ASS1: variants seen among roughly 807,000 people sequenced by gnomAD.
The protein encoded by ASS1 is argininosuccinate synthase 1, also known as argininosuccinate synthase.
In ASS1, 58 loss-of-function variants were observed where a neutral mutation model predicts 60.5. The observed-to-expected ratio is 0.96, with a 90% confidence interval of 0.78 to 1.19. The LOEUF is 1.19. Among genes scored for constraint, ASS1 ranks in the 50% most tolerant of loss-of-function variants. The pLI is 0.00. For missense variants in ASS1, 454 were observed against 547.3 expected (o/e 0.83, Z 1.70); for synonymous variants, 200 against 206.9 (o/e 0.97, Z 0.29).
chr9:130,457,191 T>C (rs968952033), intron 3 of ASS1, among the ~76,000 whole-genome samples: 1 of 152,244 alleles, frequency 6.6e-6, no homozygotes, highest in Non-Finnish European at 1.5e-5. Flanking sequence ...CACTTGTTTT[T>C]TCGTTTGTTT....
At chr9:130,449,168 A>C (rs1350945745) in intron 1 of ASS1, among the ~76,000 whole-genome samples, 2 of 151,956 alleles carry the variant, frequency 1.3e-5, no homozygotes, top group Admixed American at 1.3e-4. Context: ...CCATCTCTAC[A>C]AAAAATACAA....
chr9:130,479,132 C>G (rs911059654), intron 9 of ASS1, among the ~76,000 whole-genome samples: 1 of 152,150 alleles, frequency 6.6e-6, no homozygotes, highest in Non-Finnish European at 1.5e-5. Context: ...CTCCTGCCAC[C>G]CCGGACCCAG....
rs555240738 is a variant in ASS1 at position 130,480,551 on chromosome 9, T to A, written c.838+102T>A. ...TGGACGCTACTACCCCCATGCTCCG[T>A]GGGCGACCTTGGGCACGTCCTTTCA... On this transcript the variant is annotated intron_variant, in intron 11 of 14. Coordinates refer to ENST00000352480, the MANE Select transcript of ASS1 (RefSeq NM_054012.4). The A allele has an allele frequency of 2.3e-4, 281 of 1,243,130 alleles. 2 individuals are homozygous for A. Among genetic ancestry groups the A allele is most frequent in the South Asian group, 2.2e-3 (175 of 79,038 alleles). The allele number at this position is 1,243,130 out of a possible 1,614,324, so 77.0% of individuals were successfully genotyped here.
chr9:130,458,643 G>C (rs1845509322), intron 4 of ASS1, 54 bp downstream of exon 4: 19 of 1,583,584 alleles, frequency 1.2e-5, no homozygotes, highest in Non-Finnish European at 1.5e-5. Context: ...AGGGGTGTGG[G>C]AAGGAGATGA....
At chr9:130,451,561 G>C (rs927255060) in intron 1 of ASS1, 2 of 346,886 alleles carry the variant, frequency 5.8e-6, no homozygotes, top group South Asian at 4.4e-5. Context: ...AGAGGGACTG[G>C]GGCTGGGCCC....
chr9:130,465,056 A>ATATATATATATATTTTTTTTTTTTT (rs1479147331), intron 5 of ASS1, among the ~76,000 whole-genome samples: 1 of 120,146 alleles, frequency 8.3e-6, no homozygotes, highest in African/African-American at 3.6e-5. Context: ...ATATATATAT[A>ATATATATATATATTTTTTTTTTTTT]TTTTTTTTTT....
At chr9:130,495,088 T>A in intron 13 of ASS1, 65 bp downstream of exon 13, 1 of 1,533,636 alleles carries the variant, frequency 6.5e-7, no homozygotes. Context: ...GACTGGATCC[T>A]CAAGACATCT....
chr9:130,456,484 CCAAA>C (rs912463903), intron 3 of ASS1, among the ~76,000 whole-genome samples: 3 of 152,124 alleles, frequency 2.0e-5, no homozygotes, highest in African/African-American at 7.2e-5. Context: ...AACCAACCAA[CCAAA>C]CAAACACAAA....
rs1846440941 is a variant in ASS1 at position 130,491,212 on chromosome 9, C to T, written c.970+1748C>T. ...CAGGGACAGACAGGTGCTTAAATAC[C>T]ATTGTCTCCTGCAGGCTTTCCAGCC... is the stretch of plus-strand genomic sequence containing the variant. On this transcript the variant is annotated intron_variant, in intron 12 of 14. Transcript: ENST00000352480. This position sits in a 1 kb window ranked among gnomAD's most constrained non-coding sequence, Gnocchi z 5.3. Among the ~76,000 whole-genome samples, 1 of 152,162 alleles carries T rather than the reference C, an allele frequency of 6.6e-6. No individual in the cohort carries two copies. Among genetic ancestry groups the T allele is most frequent in the Non-Finnish European group, 1.5e-5 (1 of 68,028 alleles).
intron 6 of ASS1, among the ~76,000 whole-genome samples, chr9:130,467,720 C>T (rs1480816321): frequency 1.3e-5 from 2 of 152,112 alleles, no homozygotes; most frequent in Admixed American, 6.5e-5. Flanking sequence ...TTAAGGGAGC[C>T]GGGTTGGTGA....
chr9:130,457,711 A>G (rs1353038504), intron 3 of ASS1, among the ~76,000 whole-genome samples: 1 of 152,056 alleles, frequency 6.6e-6, no homozygotes, highest in Non-Finnish European at 1.5e-5. Context: ...ATATCTCCAG[A>G]TACTTCCAAA....
intron 4 of ASS1, among the ~76,000 whole-genome samples, chr9:130,460,066 A>G (rs1845552585): frequency 6.6e-6 from 1 of 152,092 alleles, no homozygotes; most frequent in Non-Finnish European, 1.5e-5. Context: ...CTGTTTACCA[A>G]CCCCACAGTC....
chr9:130,466,342 C>T (rs1845743198), intron 5 of ASS1: 5 of 302,282 alleles, frequency 1.7e-5, no homozygotes, highest in South Asian at 1.4e-4. Context: ...AGGCCAGCAG[C>T]GGCAGCTCTG....
Position 130,476,729 on chromosome 9 carries a change from T to C in ASS1, c.598-142T>C. 2 of 818,164 alleles carry C rather than the reference T, an allele frequency of 2.4e-6. No homozygotes were observed. The highest frequency in any genetic ancestry group is 4.3e-6 in the Non-Finnish European group (2 of 466,618). The allele number at this position is 818,164 out of a possible 1,614,324, so 50.7% of individuals were successfully genotyped here. On this transcript the variant is annotated intron_variant, in intron 8 of 14. Coordinates refer to ENST00000352480, the MANE Select transcript of ASS1 (RefSeq NM_054012.4). This position sits in a 1 kb window ranked among gnomAD's most constrained non-coding sequence, Gnocchi z 4.9. ...GCGAGGCTGGTGCTAGGCTGAGGGC[T>C]GGGGACCGGGGGATCTGCCGGACCC...
chr9:130,492,236 C>G (rs1260348587), intron 12 of ASS1, among the ~76,000 whole-genome samples: 1 of 152,192 alleles, frequency 6.6e-6, no homozygotes, highest in Non-Finnish European at 1.5e-5. Flanking sequence ...GCTGTCTCTT[C>G]CTTGAGCCTC....
intron 9 of ASS1, among the ~76,000 whole-genome samples, chr9:130,479,388 C>T (rs137968994): frequency 3.4e-4 from 52 of 152,200 alleles, no homozygotes; most frequent in Middle Eastern, 3.4e-3. Context: ...GTGCTCCCGG[C>T]GTAAGACAAT....
At chr9:130,487,035 C>T (rs1255498110) in intron 11 of ASS1, among the ~76,000 whole-genome samples, 1 of 152,196 alleles carries the variant, frequency 6.6e-6, no homozygotes. Context: ...ATTAGGCAAG[C>T]CACCCCCCTC....
intron 12 of ASS1, among the ~76,000 whole-genome samples, chr9:130,492,429 C>T (rs1846471487): frequency 7.2e-5 from 11 of 152,198 alleles, no homozygotes; most frequent in Admixed American, 7.2e-4. Flanking sequence ...CTGCCCCAGC[C>T]TCACTCCTAG....
rs531475020 is a variant in ASS1, at chr9:130,480,959, ATGGGGCTGTGCCACAGT to A, written c.838+523_838+539del. On this transcript the variant is annotated intron_variant, in intron 11 of 14. Transcript: ENST00000352480. The stretch of plus-strand genomic sequence containing the variant: ...GGCTCACTGGCCCTTTTCTCCAGGG[ATGGGGCTGTGCCACAGT>A]TGGGGCTGTGCCGCAGTTGAGGCTG... Among the ~76,000 whole-genome samples, 801 of 152,282 alleles carry A rather than the reference ATGGGGCTGTGCCACAGT, an allele frequency of 5.3e-3. 1 individual carries two copies. Among genetic ancestry groups the A allele is most frequent in the Non-Finnish European group, 7.6e-3 (520 of 68,012 alleles).
Sources: allele counts gnomAD v4.1 joint callset (sites outside exome capture counted in the v4.1 genomes callset), GRCh38; gene constraint gnomAD v4.1.1; non-coding constraint Gnocchi (gnomAD v3.1); transcripts MANE v1.5; gene names NCBI Gene and HGNC (gene_info 2026-07-23, HGNC 2026-07-21).